SCAPER: variants seen among roughly 807,000 people sequenced by gnomAD.
SCAPER encodes S phase cyclin A-associated protein in the endoplasmic reticulum.
SCAPER carries 98 observed loss-of-function variants against 182.2 expected under a neutral mutation model. The ratio of observed to expected loss-of-function variants is 0.54; its 90% confidence interval spans 0.46 to 0.64. The LOEUF (loss-of-function observed/expected upper bound fraction) is 0.64. SCAPER is among the 30% of genes least tolerant of loss of function. The pLI, the probability that SCAPER is intolerant of heterozygous loss-of-function variation, is 0.00. For synonymous variants in SCAPER, 605 were observed against 564.6 expected (o/e 1.07, Z -1.01); for missense variants, 1,432 against 1,690.0 (o/e 0.85, Z 2.68).
chr15:76,855,650 C>T (rs2071288969), intron 4 of SCAPER, among the ~76,000 whole-genome samples: 1 of 151,838 alleles, frequency 6.6e-6, no homozygotes, highest in Non-Finnish European at 1.5e-5. Flanking sequence ...TACATGCAGC[C>T]GATAAGCATA....
In SCAPER at chr15:76,458,834, A is replaced by G. The variant is rs371891100; in HGVS notation, c.3078+12378T>C. Among the ~76,000 whole-genome samples the G allele has an allele frequency of 1.6e-4, 24 of 152,188 alleles. No homozygotes were observed. The East Asian group carries it at 3.9e-3, about 24-fold the overall frequency. On this transcript the variant is annotated intron_variant, in intron 25 of 31. Coordinates refer to ENST00000563290, the MANE Select transcript of SCAPER (RefSeq NM_020843.4). ...CTTTTATCTGCCCCTGTCACCACACACCCTTCCAGGCCTCTAATAATAACT... is the reference window on the plus strand; with the variant it reads ...CTTTTATCTGCCCCTGTCACCACACGCCCTTCCAGGCCTCTAATAATAACT...
intron 21 of SCAPER, among the ~76,000 whole-genome samples, chr15:76,646,435 C>G (rs2054554303): frequency 6.6e-6 from 1 of 152,170 alleles, no homozygotes; most frequent in African/African-American, 2.4e-5. Flanking sequence ...AGCTATTATA[C>G]AGTGAAAAAC....
At chr15:76,538,755 T>C (rs927327863) in intron 23 of SCAPER, among the ~76,000 whole-genome samples, 1 of 152,080 alleles carries the variant, frequency 6.6e-6, no homozygotes, top group African/African-American at 2.4e-5. Flanking sequence ...TAAAATGCTT[T>C]ATCGATCATG....
intron 17 of SCAPER, among the ~76,000 whole-genome samples, chr15:76,710,287 T>C (rs544860667): frequency 6.6e-6 from 1 of 152,144 alleles, no homozygotes; most frequent in South Asian, 2.1e-4. Context: ...ACCAAAATAA[T>C]AATAATAAAA....
chr15:76,720,084 C>T (rs2060125163), intron 17 of SCAPER, among the ~76,000 whole-genome samples: 1 of 130,794 alleles, frequency 7.6e-6, no homozygotes, highest in African/African-American at 2.8e-5. Flanking sequence ...CCCCCCTCCC[C>T]CCACCCCACA....
intron 23 of SCAPER, among the ~76,000 whole-genome samples, chr15:76,513,118 T>G (rs987156800): frequency 2.0e-5 from 3 of 152,138 alleles, no homozygotes; most frequent in Admixed American, 6.5e-5. Flanking sequence ...CCATTCTCTC[T>G]TGTCTGCAAG....
At chr15:76,664,527 A>G (rs1025179052) in intron 21 of SCAPER, among the ~76,000 whole-genome samples, 6 of 152,160 alleles carry the variant, frequency 3.9e-5, no homozygotes, top group African/African-American at 1.4e-4. Context: ...GGACATACTA[A>G]GTTTGAGTAA....
chr15:76,876,688 T>C (rs1233177360), intron 2 of SCAPER, among the ~76,000 whole-genome samples: 1 of 152,126 alleles, frequency 6.6e-6, no homozygotes, highest in African/African-American at 2.4e-5. Context: ...AAGAAAAGCA[T>C]GTAATAAATT....
intron 24 of SCAPER, among the ~76,000 whole-genome samples, chr15:76,472,939 C>G (rs568369092): frequency 6.6e-6 from 1 of 152,132 alleles, no homozygotes; most frequent in Non-Finnish European, 1.5e-5. Context: ...CCCTTAAACC[C>G]AAACTCTGTT....
intron 21 of SCAPER, among the ~76,000 whole-genome samples, chr15:76,624,743 TG>T (rs986581925): frequency 2.0e-5 from 3 of 152,090 alleles, no homozygotes; most frequent in African/African-American, 7.2e-5. Context: ...CAAATGTACT[TG>T]TTTTTAGGCT....
At chr15:76,570,455 T>C (rs368048125) in intron 23 of SCAPER, among the ~76,000 whole-genome samples, 1 of 152,208 alleles carries the variant, frequency 6.6e-6, no homozygotes, top group African/African-American at 2.4e-5. Context: ...AATTATTCAC[T>C]ACTCTGTTTG....
At chr15:76,902,065 T>C (rs2074817860) in intron 1 of SCAPER, among the ~76,000 whole-genome samples, 1 of 152,208 alleles carries the variant, frequency 6.6e-6, no homozygotes, top group African/African-American at 2.4e-5. Context: ...CCAGATCTTT[T>C]CACTCTTTAT....
chr15:76,886,762 A>G (rs763315461), intron 1 of SCAPER, among the ~76,000 whole-genome samples: 2 of 152,228 alleles, frequency 1.3e-5, no homozygotes, highest in Non-Finnish European at 2.9e-5. Context: ...AAATGCCCTC[A>G]ATGATTGACT....
At chr15:76,380,405 A>G (rs2042872252) in intron 28 of SCAPER, 1 of 152,134 alleles carries the variant, frequency 6.6e-6, no homozygotes, top group Non-Finnish European at 1.5e-5. Context: ...AGATCCAATG[A>G]TACAACTTAG....
At chr15:76,831,113 G>T (rs896901509) in intron 5 of SCAPER, among the ~76,000 whole-genome samples, 3 of 152,174 alleles carry the variant, frequency 2.0e-5, no homozygotes, top group Admixed American at 1.3e-4. Context: ...AGCCCAGAGG[G>T]TTAGGCATGG....
At chr15:76,418,473 A>G (rs1294708386) in intron 26 of SCAPER, among the ~76,000 whole-genome samples, 3 of 152,210 alleles carry the variant, frequency 2.0e-5, no homozygotes, top group Admixed American at 2.0e-4. Context: ...TCAGAGTAGG[A>G]TCCCATGTTG....
chr15:76,633,175 T>C (rs2053283874), intron 21 of SCAPER, among the ~76,000 whole-genome samples: 1 of 152,180 alleles, frequency 6.6e-6, no homozygotes, highest in Admixed American at 6.5e-5. Flanking sequence ...CAGGTCCCTC[T>C]TCTGTAGGGC....
rs768801313 is a variant in SCAPER at position 76,803,910 on chromosome 15, A to AT, written c.494+622_494+623insA. Among the ~76,000 whole-genome samples the AT allele has an allele frequency of 1.6e-3, 247 of 152,332 alleles. 1 individual carries two copies. The highest frequency in any genetic ancestry group is 3.0e-3 in the Non-Finnish European group (204 of 68,036). ...GTCCTCTTGACCACAACAGTCACAG[A>AT]GCTTGGCACACAGCATTCAGATACT... On this transcript the variant is annotated intron_variant, in intron 6 of 31. Coordinates refer to ENST00000563290, the MANE Select transcript of SCAPER (RefSeq NM_020843.4).
At chr15:76,729,760 C>T (rs1485871014) in intron 16 of SCAPER, among the ~76,000 whole-genome samples, 2 of 152,040 alleles carry the variant, frequency 1.3e-5, no homozygotes, top group East Asian at 3.8e-4. Context: ...TACCATAGGG[C>T]CTGGCATATA....
Sources: allele counts gnomAD v4.1 joint callset (sites outside exome capture counted in the v4.1 genomes callset), GRCh38; gene constraint gnomAD v4.1.1; transcripts MANE v1.5; gene names NCBI Gene and HGNC (gene_info 2026-07-23, HGNC 2026-07-21).